The following ZC3H12A variants were observed in gnomAD, a reference collection of about 807,000 sequenced individuals.
ZC3H12A encodes endoribonuclease ZC3H12A.
ZC3H12A carries 9 observed loss-of-function variants against 29.9 expected under a neutral mutation model. The ratio of observed to expected loss-of-function variants is 0.30; its 90% CI spans 0.18 to 0.53. The LOEUF (loss-of-function observed/expected upper bound fraction) is 0.53, where lower values mean the gene tolerates loss of function less well. Among genes scored for constraint, ZC3H12A ranks in the 20% least tolerant of loss-of-function variants. The probability of loss-of-function intolerance (pLI) is 0.96; values close to 1 mark genes in which losing one functional copy is unlikely to be tolerated. For synonymous variants in ZC3H12A, 323 were observed against 338.1 expected (o/e 0.96, Z 0.49); for missense variants, 617 against 799.0 (o/e 0.77, Z 2.75).
rs555548240 is a variant in ZC3H12A at position 37,476,126 on chromosome 1, G to C, written c.443+187G>C. On this transcript the variant is annotated intron_variant, in intron 2 of 5. Coordinates refer to ENST00000373087, the MANE Select transcript of ZC3H12A (RefSeq NM_025079.3). This position sits in a 1 kb window ranked among gnomAD's most constrained non-coding sequence, Gnocchi z 6.0. The stretch of plus-strand genomic sequence containing the variant: ...GTCGCGCTACTGGTAAGTGACAGAG[G>C]CAGGGTTCCAGCCCAGGTCCCTCTG... Among the ~76,000 whole-genome samples, 1 of 152,170 alleles carries C rather than the reference G, an allele frequency of 6.6e-6. No individual in the cohort carries two copies.
chr1:37,479,701 G>C lies in ZC3H12A; in HGVS notation c.444-589G>C, dbSNP rs1193174325. On this transcript the variant is annotated intron_variant, in intron 2 of 5. Coordinates refer to ENST00000373087, the MANE Select transcript of ZC3H12A (RefSeq NM_025079.3). This position sits in a 1 kb window ranked among gnomAD's most constrained non-coding sequence, Gnocchi z 4.5. ...AGCCCCTTCCCCTTTGCCTTTCTCA[G>C]GCCCCAGTCCCTGAGGTGTGTGTGA... 2 of 985,154 alleles carry C rather than the reference G, an allele frequency of 2.0e-6. No homozygotes were observed. The highest frequency in any genetic ancestry group is 3.5e-5 in the African/African-American group (2 of 57,196). 61.0% of individuals were successfully genotyped at this position (985,154 alleles called of 1,614,324 possible).
chr1:37,479,409 G>T lies in ZC3H12A; in HGVS notation c.444-881G>T, dbSNP rs1641654522. 2.0e-6 allele frequency: 2 copies of T among 985,456 alleles called. No homozygotes were observed. The highest frequency in any genetic ancestry group is 2.4e-6 in the Non-Finnish European group (2 of 829,942). The allele number at this position is 985,456 out of a possible 1,614,324, so 61.0% of individuals were successfully genotyped here. A position where few individuals can be genotyped will look rare whatever the true frequency, so the allele number is the denominator to read the frequency against. ...AGAGCTGCGGCAGCCCAGGAGCCCTGCCAGGCTTCCTTCTGGGTGCAGCCA... is the reference window on the plus strand; with the variant it reads ...AGAGCTGCGGCAGCCCAGGAGCCCTTCCAGGCTTCCTTCTGGGTGCAGCCA... On this transcript the variant is annotated intron_variant, in intron 2 of 5. Coordinates refer to ENST00000373087, the MANE Select transcript of ZC3H12A (RefSeq NM_025079.3). The surrounding 1 kb of genome is among the most constrained non-coding windows in gnomAD (Gnocchi z 4.5).
chr1:37,482,141 T>C (rs1011349923), intron 4 of ZC3H12A, among the ~76,000 whole-genome samples: 1 of 152,180 alleles, frequency 6.6e-6, no homozygotes, highest in Non-Finnish European at 1.5e-5. Flanking sequence ...CAACATGGCA[T>C]CTCTCGAGCA....
At chr1:37,480,208 G>T in intron 2 of ZC3H12A, 82 bp from the exon 3 acceptor site, 1 of 1,546,162 alleles carries the variant, frequency 6.5e-7, no homozygotes, top group South Asian at 1.2e-5. Flanking sequence ...GGTGGGGTGT[G>T]ACCACCTCCC....
rs1641649688 is a variant in ZC3H12A at position 37,479,169 on chromosome 1, G to A, written c.444-1121G>A. 1 of 985,312 alleles carries A rather than the reference G, an allele frequency of 1.0e-6. No individual in the cohort carries two copies. The highest frequency in any genetic ancestry group is 6.1e-5 in the Admixed American group (1 of 16,266). 61.0% of individuals were successfully genotyped at this position (985,312 alleles called of 1,614,324 possible). A position where few individuals can be genotyped will look rare whatever the true frequency, so the allele number is the denominator to read the frequency against. On this transcript the variant is annotated intron_variant, in intron 2 of 5. Transcript: ENST00000373087. This position sits in a 1 kb window ranked among gnomAD's most constrained non-coding sequence, Gnocchi z 4.5. ...CTAAGCTGTTCACTGAGGGGGCAGT[G>A]AGACGTGGGGCTGCTGGTCCTAGGA...
chr1:37,475,405 A>G lies in ZC3H12A; in HGVS notation c.-38-54A>G. The G allele has an allele frequency of 7.3e-7, 1 of 1,372,948 alleles. No individual in the cohort carries two copies. The highest frequency in any genetic ancestry group is 9.9e-7 in the Non-Finnish European group (1 of 1,014,494). The allele number at this position is 1,372,948 out of a possible 1,614,324, so 85.0% of individuals were successfully genotyped here. On this transcript the variant is annotated intron_variant, in intron 1 of 5. Transcript: ENST00000373087. The surrounding 1 kb of genome is among the most constrained non-coding windows in gnomAD (Gnocchi z 5.2). ...TCATCCTGCTGGATGTGGTTTTGGG[A>G]GGGAGGTTAGGAGAGAGCGCTATTC...
Position 37,483,848 on chromosome 1 carries a change from C to T in ZC3H12A, c.*237C>T, listed in dbSNP as rs1641770428. The T allele has an allele frequency of 3.7e-6, 2 of 545,938 alleles. No homozygotes were observed. The highest frequency in any genetic ancestry group is 5.8e-5 in the East Asian group (2 of 34,436). The allele number at this position is 545,938 out of a possible 1,614,324, so 33.8% of individuals were successfully genotyped here. A position where few individuals can be genotyped will look rare whatever the true frequency, so the allele number is the denominator to read the frequency against. ...CAGAAGCGATCACCCTGTTGATACACATTGTATCTCTGTAGTTTAAGGAGA... is the reference window on the plus strand; with the variant it reads ...CAGAAGCGATCACCCTGTTGATACATATTGTATCTCTGTAGTTTAAGGAGA... On this transcript the variant is annotated 3_prime_UTR_variant, in exon 6 of 6. Coordinates refer to ENST00000373087, the MANE Select transcript of ZC3H12A (RefSeq NM_025079.3).
rs769876648 is a variant in ZC3H12A at position 37,475,589 on chromosome 1, C to A, written c.93C>A (p.Thr31=). ...EFEDSHSRQG[T]PRPGQELAAE... is the part of the protein sequence containing the mutation. ...AGGACAGCCACAGCCGTCAGGGCAC[C>A]CCAAGGCCGGGTCAAGAGCTGGCCG... The change falls in exon 2 of 6, where the codon ACC becomes ACA. Residue 31 remains threonine (T), a synonymous_variant. Transcript: ENST00000373087. This position sits in a 1 kb window ranked among gnomAD's most constrained non-coding sequence, Gnocchi z 5.2. 2.5e-6 allele frequency: 4 copies of A among 1,613,912 alleles called. No homozygotes were observed. The African/African-American group carries it at 4.0e-5, about 16-fold the overall frequency.
chr1:37,482,374 C>T (rs1459361388), intron 4 of ZC3H12A, 60 bp from the exon 5 acceptor site: 14 of 1,437,392 alleles, frequency 9.7e-6, no homozygotes, highest in Non-Finnish European at 1.3e-5. Context: ...GGCCCCTTCT[C>T]AGCAATTAGA....
In ZC3H12A at chr1:37,479,889, A is replaced by T; in HGVS notation, c.444-401A>T. On this transcript the variant is annotated intron_variant, in intron 2 of 5. Coordinates refer to ENST00000373087, the MANE Select transcript of ZC3H12A (RefSeq NM_025079.3). This position sits in a 1 kb window ranked among gnomAD's most constrained non-coding sequence, Gnocchi z 4.5. ...CCGGCAGCTCGCCGGGTGGGGCAGGAACCAGAAGTCTCGCGGCACCTTTCC... is the reference window on the plus strand; with the variant it reads ...CCGGCAGCTCGCCGGGTGGGGCAGGTACCAGAAGTCTCGCGGCACCTTTCC... 6 of 1,009,682 alleles carry T rather than the reference A, an allele frequency of 5.9e-6. No homozygotes were observed. The highest frequency in any genetic ancestry group is 7.1e-6 in the Non-Finnish European group (6 of 844,262). 62.5% of individuals were successfully genotyped at this position (1,009,682 alleles called of 1,614,324 possible).
intron 1 of ZC3H12A, 104 bp downstream of exon 1, chr1:37,474,733 G>T: frequency 6.7e-6 from 1 of 149,330 alleles, no homozygotes; most frequent in African/African-American, 2.4e-5. Flanking sequence ...GGGGACGGGA[G>T]GGGTGGAGAG....
Position 37,481,644 on chromosome 1 carries a change from G to A in ZC3H12A, c.627G>A (p.Val209=). 2 of 1,614,234 alleles carry A rather than the reference G, an allele frequency of 1.2e-6. No individual in the cohort carries two copies. Among genetic ancestry groups the A allele is most frequent in the Non-Finnish European group, 1.7e-6 (2 of 1,180,040 alleles). Residue 209 remains valine (V), a synonymous_variant, in exon 4 of 6, where the codon GTG becomes GTA. Coordinates refer to ENST00000373087, the MANE Select transcript of ZC3H12A (RefSeq NM_025079.3). Reference sequence around the variant, plus strand: ...AACTGGAGAAGAAGAAGATCCTGGTGTTCACACCATCACGACGCGTGGGTG... The same window carrying A: ...AACTGGAGAAGAAGAAGATCCTGGTATTCACACCATCACGACGCGTGGGTG... ...LRELEKKKIL[V]FTPSRRVGGK...
At position 37,481,829 on chromosome 1, in the gene ZC3H12A, A is replaced by G. The variant is rs748173131; in HGVS notation, c.812A>G (p.Asn271Ser). The G allele has an allele frequency of 6.8e-6, 11 of 1,613,586 alleles. No homozygotes were observed. The highest frequency in any genetic ancestry group is 5.5e-5 in the South Asian group (5 of 91,012). Reference protein sequence around the residue: ...EERLLMYSFVNDKFMPPDDPL... With the variant: ...EERLLMYSFVSDKFMPPDDPL... The stretch of plus-strand genomic sequence containing the variant: ...CGGCTGCTCATGTACTCCTTCGTCA[A>G]TGACAAGTATGTTCCCTCCCAGAGG... Residue 271 changes from asparagine to serine, a missense_variant, in exon 4 of 6, where the codon AAT (asparagine) becomes AGT (serine). Physicochemically the swap from Asn to Ser is conservative, Grantham distance 46 (BLOSUM62 1). Around this residue, in one of 5 missense-constraint regions of ZC3H12A, gnomAD observed 255 missense variants for 402.5 expected, o/e 0.63. Coordinates refer to ENST00000373087, the MANE Select transcript of ZC3H12A (RefSeq NM_025079.3).
rs1409330219 is a variant in ZC3H12A at position 37,478,846 on chromosome 1, T to G, written c.444-1444T>G. 8 of 985,392 alleles carry G rather than the reference T, an allele frequency of 8.1e-6. No homozygotes were observed. Among genetic ancestry groups the G allele is most frequent in the Non-Finnish European group, 9.6e-6 (8 of 829,922 alleles). The allele number at this position is 985,392 out of a possible 1,614,324, so 61.0% of individuals were successfully genotyped here. A position where few individuals can be genotyped will look rare whatever the true frequency, so the allele number is the denominator to read the frequency against. On this transcript the variant is annotated intron_variant, in intron 2 of 5. Coordinates refer to ENST00000373087, the MANE Select transcript of ZC3H12A (RefSeq NM_025079.3). This position sits in a 1 kb window ranked among gnomAD's most constrained non-coding sequence, Gnocchi z 5.2. Reference sequence around the variant, plus strand: ...CACAGCTCTCAGCAAATGGGAACTTTTATTATAAGCAGGCTGGCAGATGTG... The same window carrying G: ...CACAGCTCTCAGCAAATGGGAACTTGTATTATAAGCAGGCTGGCAGATGTG...
intron 4 of ZC3H12A, 57 bp from the exon 5 acceptor site, chr1:37,482,377 C>A: frequency 6.9e-7 from 1 of 1,453,252 alleles, no homozygotes. Context: ...CCCTTCTCAG[C>A]AATTAGAAGT....
At chr1:37,482,633 C>T (rs1367814688) in intron 5 of ZC3H12A, 93 bp downstream of exon 5, 1 of 1,608,536 alleles carries the variant, frequency 6.2e-7, no homozygotes, top group Non-Finnish European at 8.5e-7. Context: ...TGGGGACCTC[C>T]ACCATTGGAC....
chr1:37,481,868 G>A, intron 4 of ZC3H12A, 33 bp downstream of exon 4: 1 of 1,587,288 alleles, frequency 6.3e-7, no homozygotes, highest in Non-Finnish European at 8.6e-7. Context: ...TGACAGACTT[G>A]GGGTCCACAG....
At position 37,480,271 on chromosome 1, in the gene ZC3H12A, C is replaced by T; in HGVS notation, c.444-19C>T. ...AGGCTGGCCATCAGTGTGGGCTAAC[C>T]CTGTCCTCTCCCTCCCAGCCATGGG... On this transcript the variant is annotated intron_variant, in intron 2 of 5. Transcript: ENST00000373087. 1.2e-6 allele frequency: 2 copies of T among 1,608,128 alleles called. No homozygotes were observed. The highest frequency in any genetic ancestry group is 1.7e-6 in the Non-Finnish European group (2 of 1,176,642).
At chr1:37,480,110 C>T (rs1641672475) in intron 2 of ZC3H12A, 180 bp from the exon 3 acceptor site, 1 of 1,326,908 alleles carries the variant, frequency 7.5e-7, no homozygotes, top group Non-Finnish European at 9.7e-7. Context: ...TGCAGAGGGC[C>T]AGGGCCTGAG....
Sources: gnomAD v4.1 joint callset for allele counts (sites outside exome capture counted in the v4.1 genomes callset) on GRCh38, gnomAD v4.1.1 for gene constraint, gnomAD v4.1.1 regional missense constraint, Gnocchi (gnomAD v3.1) non-coding constraint, MANE v1.5 for transcripts, NCBI Gene and HGNC (gene_info 2026-07-23, HGNC 2026-07-21) for gene names.